The following SCAI variants were observed in gnomAD, a reference collection of about 807,000 sequenced individuals.
The protein encoded by SCAI is suppressor of cancer cell invasion, also known as protein SCAI.
Under a neutral mutation model 92.2 loss-of-function variants are expected in SCAI, and 24 were observed. The observed-to-expected ratio is 0.26, with a 90% CI of 0.19 to 0.37. SCAI has a LOEUF of 0.37. SCAI is among the 10% of genes least tolerant of loss of function. The pLI is 1.00. For synonymous variants in SCAI, 261 were observed against 258.6 expected, an observed-to-expected ratio of 1.01 and a Z score of -0.09; for missense variants, 450 against 736.2, an observed-to-expected ratio of 0.61 and a Z score of 4.50.
chr9:125,051,088 T>C (rs563845529), intron 3 of SCAI, among the ~76,000 whole-genome samples: 128 of 152,316 alleles, frequency 8.4e-4, no homozygotes, highest in African/African-American at 3.0e-3. Flanking sequence ...AGTGGTGTGA[T>C]CGCAGCTCAC....
chr9:125,060,141 A>G (rs959537154), intron 2 of SCAI, among the ~76,000 whole-genome samples: 5 of 152,188 alleles, frequency 3.3e-5, no homozygotes, highest in Non-Finnish European at 7.3e-5. Context: ...ACACTGTCCA[A>G]AAGTGTAGTC....
At chr9:125,029,507 C>A in intron 4 of SCAI, 137 bp downstream of exon 4, 1 of 493,912 alleles carries the variant, frequency 2.0e-6, no homozygotes, top group Non-Finnish European at 3.6e-6. Context: ...ATTTTAAAAG[C>A]ACCAAGATTT....
intron 2 of SCAI, among the ~76,000 whole-genome samples, chr9:125,110,128 C>A (rs1039727470): frequency 6.6e-6 from 1 of 152,108 alleles, no homozygotes; most frequent in Admixed American, 6.5e-5. Flanking sequence ...TTTAAACATA[C>A]GTATTATGTT....
At chr9:125,045,913 A>G (rs894671768) in intron 3 of SCAI, among the ~76,000 whole-genome samples, 2 of 151,754 alleles carry the variant, frequency 1.3e-5, no homozygotes, top group Non-Finnish European at 2.9e-5. Context: ...AAAACTAACC[A>G]CTATTGAATG....
At chr9:125,092,593 ACTAT>A (rs1834455967) in intron 2 of SCAI, among the ~76,000 whole-genome samples, 1 of 152,190 alleles carries the variant, frequency 6.6e-6, no homozygotes, top group African/African-American at 2.4e-5. Context: ...GAACTATGTT[ACTAT>A]CTAAGGCCAA....
chr9:125,126,627 C>T (rs1000983423), intron 2 of SCAI, among the ~76,000 whole-genome samples: 3 of 151,808 alleles, frequency 2.0e-5, no homozygotes, highest in African/African-American at 7.3e-5. Context: ...AGGCAGAAAC[C>T]AGTCTTTTAA....
chr9:124,997,490 C>T (rs886070274), intron 13 of SCAI, among the ~76,000 whole-genome samples: 4 of 152,102 alleles, frequency 2.6e-5, no homozygotes, highest in Non-Finnish European at 4.4e-5. Flanking sequence ...TAGACCAGTC[C>T]AGTTTTCTTT....
chr9:125,133,451 T>C (rs1439108635), intron 2 of SCAI, among the ~76,000 whole-genome samples: 1 of 152,204 alleles, frequency 6.6e-6, no homozygotes, highest in Non-Finnish European at 1.5e-5. Context: ...AAAGAACTCT[T>C]ACAACTATGT....
At chr9:125,123,307 G>A (rs1400325853) in intron 2 of SCAI, among the ~76,000 whole-genome samples, 1 of 150,600 alleles carries the variant, frequency 6.6e-6, no homozygotes, top group East Asian at 1.9e-4. Flanking sequence ...AGGTTGCAGT[G>A]GGCTGAGATT....
At chr9:124,968,448 G>T in intron 17 of SCAI, 2 of 1,007,606 alleles carry the variant, frequency 2.0e-6, no homozygotes, top group Non-Finnish European at 3.2e-6. Flanking sequence ...GAGTCCACTG[G>T]ATGGAGAAGA....
intron 6 of SCAI, among the ~76,000 whole-genome samples, chr9:125,024,206 A>AT (rs1487745126): frequency 8.0e-4 from 122 of 152,124 alleles, no homozygotes; most frequent in Middle Eastern, 6.8e-3. Context: ...GTCAACGTCA[A>AT]CATAAGTGGT....
chr9:124,986,712 A>G (rs1279098272), intron 14 of SCAI, among the ~76,000 whole-genome samples: 1 of 152,232 alleles, frequency 6.6e-6, no homozygotes, highest in African/African-American at 2.4e-5. Context: ...AAACCTAGAT[A>G]TATCACCATA....
chr9:125,008,307 G>C (rs757304526), intron 9 of SCAI, among the ~76,000 whole-genome samples: 1 of 151,622 alleles, frequency 6.6e-6, no homozygotes, highest in Non-Finnish European at 1.5e-5. Context: ...ACCATGCCTG[G>C]CTTATTTTTA....
In SCAI at chr9:124,947,499, T is replaced by C. The variant is rs1251633683; in HGVS notation, c.*5308A>G. 1 of 152,186 alleles carries C rather than the reference T, an allele frequency of 6.6e-6. No individual in the cohort carries two copies. The highest frequency in any genetic ancestry group is 1.5e-5 in the Non-Finnish European group (1 of 68,024). 9.4% of individuals were successfully genotyped at this position (152,186 alleles called of 1,614,324 possible). ...TCAAAATAGAGGCTTATGAATGAGATACAGCCACAACCTAATTACAGCAGC... is the reference window on the plus strand; with the variant it reads ...TCAAAATAGAGGCTTATGAATGAGACACAGCCACAACCTAATTACAGCAGC... On this transcript the variant is annotated 3_prime_UTR_variant, in exon 18 of 18. Coordinates refer to ENST00000336505, the MANE Select transcript of SCAI (RefSeq NM_001144877.3).
At chr9:124,967,558 T>A (rs1455223146) in intron 17 of SCAI, among the ~76,000 whole-genome samples, 1 of 152,202 alleles carries the variant, frequency 6.6e-6, no homozygotes, top group African/African-American at 2.4e-5. Context: ...ACTCAGCTCA[T>A]GAAAATGGCT....
chr9:125,027,013 C>T (rs558497798), intron 5 of SCAI, 103 bp from the exon 6 acceptor site: 70 of 434,170 alleles, frequency 1.6e-4, no homozygotes, highest in Middle Eastern at 3.2e-4. Flanking sequence ...GCACGGGGTG[C>T]GGGGGTGGGA....
intron 2 of SCAI, among the ~76,000 whole-genome samples, chr9:125,122,043 G>C (rs1443311145): frequency 6.6e-6 from 1 of 152,118 alleles, no homozygotes; most frequent in Non-Finnish European, 1.5e-5. Context: ...ACATGAGACA[G>C]GCAATTTGGA....
chr9:125,110,241 C>T (rs1169698303), intron 2 of SCAI, among the ~76,000 whole-genome samples: 1 of 152,100 alleles, frequency 6.6e-6, no homozygotes, highest in Non-Finnish European at 1.5e-5. Context: ...CACAGCTGAC[C>T]AAAACCGAAA....
Position 125,055,923 on chromosome 9 carries a change from A to C in SCAI, c.183T>G (p.Asp61Glu), listed in dbSNP as rs1309539126. 2 of 1,612,954 alleles carry C rather than the reference A, an allele frequency of 1.2e-6. No homozygotes were observed. The highest frequency in any genetic ancestry group is 2.7e-5 in the African/African-American group (2 of 74,898). ...IPQGERKTVT[D>E]FCYLLDKSKQ... ...TAGATTTATCCAGAAGATAACAAAA[A>C]TCTGTAACTGTTTTCCTCTCTCCCT... The change falls in exon 3 of 18, where the codon GAT becomes GAG. Residue 61 changes from aspartate to glutamate, a missense_variant. Around this residue, in one of 3 missense-constraint regions of SCAI, gnomAD observed 20 missense variants for 68.2 expected, o/e 0.29. Transcript: ENST00000336505.
Sources: allele counts gnomAD v4.1 joint callset (sites outside exome capture counted in the v4.1 genomes callset), GRCh38; gene constraint gnomAD v4.1.1; regional missense constraint gnomAD v4.1.1; transcripts MANE v1.5; gene names NCBI Gene and HGNC (gene_info 2026-07-23, HGNC 2026-07-21).